The following KMT2C variants were observed in gnomAD, a reference collection of about 807,000 sequenced individuals.
KMT2C encodes histone-lysine N-methyltransferase 2C.
Under a neutral mutation model 507.9 loss-of-function variants are expected in KMT2C, and 88 were observed. The ratio of observed to expected loss-of-function variants is 0.17; its 90% CI spans 0.15 to 0.21. KMT2C has a LOEUF of 0.21. KMT2C is among the 10% of genes least tolerant of loss of function. KMT2C has a pLI of 1.00. For missense variants in KMT2C, 4,954 were observed against 5,957.8 expected (o/e 0.83, Z 5.55); for synonymous variants, 2,049 against 2,080.8 (o/e 0.98, Z 0.42).
At position 152,181,330 on chromosome 7, in the gene KMT2C, T is replaced by C. The variant is rs201637035; in HGVS notation, c.6530A>G (p.Gln2177Arg). Residue 2177 changes from glutamine (Q) to arginine (R), a missense_variant, in exon 36 of 59, where the codon CAG (glutamine) becomes CGG (arginine). By Grantham distance (43) the Gln-to-Arg change is conservative. This residue lies in a region of KMT2C where 1,689 missense variants were observed against 1,654.3 expected (regional missense o/e 1.02). Coordinates refer to ENST00000262189, the MANE Select transcript of KMT2C (RefSeq NM_170606.3). ...TGTAGATGGTCTTGGGGTTTGGGGCTGCTGACTATATGGGTCAACAGTAGT... is the reference window on the plus strand; with the variant it reads ...TGTAGATGGTCTTGGGGTTTGGGGCCGCTGACTATATGGGTCAACAGTAGT... The part of the protein sequence containing the change: ...RPTTVDPYSQ[Q>R]PQTPRPSTQT... 137 of 1,611,734 alleles carry C rather than the reference T, an allele frequency of 8.5e-5. No individual in the cohort carries two copies. The highest frequency in any genetic ancestry group is 3.5e-4 in the Admixed American group (21 of 59,832).
intron 54 of KMT2C, 72 bp downstream of exon 54, chr7:152,145,081 A>C (rs761712262): frequency 9.5e-5 from 147 of 1,548,346 alleles, no homozygotes; most frequent in Non-Finnish European, 1.3e-4. Flanking sequence ...AGCAGCAGAC[A>C]AATCAAGCAC....
At chr7:152,143,553 C>T (rs150693466) in intron 55 of KMT2C, among the ~76,000 whole-genome samples, 1 of 152,344 alleles carries the variant, frequency 6.6e-6, no homozygotes, top group African/African-American at 2.4e-5. Context: ...GTCTCAGGTC[C>T]ACACTGTGAG....
At chr7:152,249,989 C>G (rs2129165602) in intron 12 of KMT2C, 36 bp from the exon 13 acceptor site, 1 of 1,350,326 alleles carries the variant, frequency 7.4e-7, no homozygotes. Context: ...TCTAAGGAGT[C>G]AAAATTTCTG....
intron 6 of KMT2C, among the ~76,000 whole-genome samples, chr7:152,287,611 C>G (rs1207963239): frequency 6.6e-6 from 1 of 152,146 alleles, no homozygotes; most frequent in Non-Finnish European, 1.5e-5. Context: ...TTATACCATA[C>G]TAAGAACCAG....
intron 7 of KMT2C, 52 bp from the exon 8 acceptor site, chr7:152,265,261 T>C (rs2129173703): frequency 6.2e-7 from 1 of 1,601,522 alleles, no homozygotes; most frequent in Non-Finnish European, 8.5e-7. Flanking sequence ...TTAAATTTTT[T>C]CTGACTATAC....
intron 1 of KMT2C, among the ~76,000 whole-genome samples, chr7:152,408,500 C>T (rs2097646204): frequency 2.0e-5 from 3 of 152,362 alleles, no homozygotes; most frequent in African/African-American, 7.2e-5. Context: ...GGGAACCAGG[C>T]CACACAGCAG....
In KMT2C at chr7:152,141,668, G is replaced by A. The variant is rs1017439194; in HGVS notation, c.14344-1877C>T. On this transcript the variant is annotated intron_variant, in intron 55 of 58. Coordinates refer to ENST00000262189, the MANE Select transcript of KMT2C (RefSeq NM_170606.3). ...GCAGAGGTTGCAGTGAGCCGAGATC[G>A]TGCCACTGCACTCCAGCCTGGGTGA... Among the ~76,000 whole-genome samples, 9 of 146,598 alleles carry A rather than the reference G, an allele frequency of 6.1e-5. No individual in the cohort carries two copies. The East Asian group carries it at 1.2e-3, about 20-fold the overall frequency.
At chr7:152,427,363 CA>C (rs1322681646) in intron 1 of KMT2C, among the ~76,000 whole-genome samples, 1 of 152,112 alleles carries the variant, frequency 6.6e-6, no homozygotes, top group Non-Finnish European at 1.5e-5. Context: ...TTTATATGCA[CA>C]AAATATACAC....
At chr7:152,236,322 C>T (rs1588469934) in intron 15 of KMT2C, among the ~76,000 whole-genome samples, 5 of 152,290 alleles carry the variant, frequency 3.3e-5, no homozygotes, top group East Asian at 3.9e-4. Flanking sequence ...ACTGGTCTCG[C>T]GGTGATTACA....
chr7:152,202,780 G>A (rs1449939185), intron 26 of KMT2C, among the ~76,000 whole-genome samples, 154 bp downstream of exon 26: 2 of 152,006 alleles, frequency 1.3e-5, no homozygotes, highest in Non-Finnish European at 2.9e-5. Flanking sequence ...AATTTTTATG[G>A]ACCCCTGAAA....
intron 14 of KMT2C, among the ~76,000 whole-genome samples, chr7:152,244,798 C>T (rs1236571527): frequency 6.6e-6 from 1 of 152,106 alleles, no homozygotes; most frequent in Non-Finnish European, 1.5e-5. Context: ...TTCCTGTAGT[C>T]AGTTAGGTTC....
At chr7:152,411,807 A>AT (rs2097687546) in intron 1 of KMT2C, among the ~76,000 whole-genome samples, 4 of 152,300 alleles carry the variant, frequency 2.6e-5, no homozygotes, top group African/African-American at 9.6e-5. Context: ...TAAAAGGGAA[A>AT]CGAACGCGTT....
At chr7:152,147,279 T>C (rs545626105) in intron 52 of KMT2C, among the ~76,000 whole-genome samples, 4 of 152,214 alleles carry the variant, frequency 2.6e-5, no homozygotes, top group Non-Finnish European at 4.4e-5. Flanking sequence ...AAGTGTTTAA[T>C]TTCCATCTCT....
intron 6 of KMT2C, among the ~76,000 whole-genome samples, chr7:152,297,000 A>AGAAAGAAAGAAG (rs2129189840): frequency 2.0e-5 from 1 of 50,290 alleles, no homozygotes; most frequent in South Asian, 6.7e-4. Context: ...AGAAAGAAAA[A>AGAAAGAAAGAAG]GAAAGAAAGA....
intron 2 of KMT2C, among the ~76,000 whole-genome samples, chr7:152,331,331 T>G (rs573590334): frequency 1.8e-4 from 28 of 151,784 alleles, no homozygotes; most frequent in African/African-American, 6.5e-4. Context: ...AAGAATCTTA[T>G]TTTTGGCCAG....
chr7:152,317,071 T>C (rs2129203715), intron 3 of KMT2C, among the ~76,000 whole-genome samples: 1 of 152,272 alleles, frequency 6.6e-6, no homozygotes, highest in Admixed American at 6.5e-5. Flanking sequence ...CAGCACTGAT[T>C]AGAAAATGGA....
intron 6 of KMT2C, among the ~76,000 whole-genome samples, chr7:152,284,754 C>T (rs981188166): frequency 7.3e-5 from 11 of 151,636 alleles, no homozygotes; most frequent in African/African-American, 2.7e-4. Flanking sequence ...ATGGTAGAGA[C>T]AAAATAACAG....
intron 1 of KMT2C, among the ~76,000 whole-genome samples, chr7:152,425,474 G>A (rs545713978): frequency 6.6e-6 from 1 of 152,212 alleles, no homozygotes; most frequent in Admixed American, 6.5e-5. Flanking sequence ...CTACTCCGGG[G>A]TCTGAGGAAG....
chr7:152,273,889 A>T (rs1391537179), intron 6 of KMT2C, 22 bp from the exon 7 acceptor site: 2 of 1,605,420 alleles, frequency 1.2e-6, no homozygotes, highest in Non-Finnish European at 1.7e-6. Context: ...AAAGGAGAGA[A>T]ATCTCTTTAT....
Sources: allele counts gnomAD v4.1 joint callset (sites outside exome capture counted in the v4.1 genomes callset), GRCh38; gene constraint gnomAD v4.1.1; regional missense constraint gnomAD v4.1.1; transcripts MANE v1.5; gene names NCBI Gene and HGNC (gene_info 2026-07-23, HGNC 2026-07-21).